The following EPS8L2 variants were observed in gnomAD, a reference collection of about 807,000 sequenced individuals.
EPS8L2 encodes the protein epidermal growth factor receptor kinase substrate 8-like protein 2.
Under a neutral mutation model 99.4 loss-of-function variants are expected in EPS8L2, and 81 were observed. The observed-to-expected ratio is 0.82, with a 90% confidence interval of 0.68 to 0.98. The LOEUF is 0.98. Ranked by LOEUF, EPS8L2 falls within the 50% of genes least tolerant of loss-of-function variation. The pLI, the probability that EPS8L2 is intolerant of heterozygous loss-of-function variation, is 0.00. For synonymous variants in EPS8L2, 509 were observed against 407.3 expected (o/e 1.25, Z -3.01); for missense variants, 1,155 against 968.8 (o/e 1.19, Z -2.55).
chr11:711,847 G>A (rs900592485), intron 4 of EPS8L2, among the ~76,000 whole-genome samples: 6 of 151,918 alleles, frequency 3.9e-5, no homozygotes, highest in Non-Finnish European at 7.4e-5. Context: ...GCCAGGCGTC[G>A]TGGTGCATAC....
rs1170812702 is a variant in EPS8L2 at position 721,984 on chromosome 11, A to T, written c.977A>T (p.Asn326Ile). Residue 326 changes from asparagine (N) to isoleucine (I), a missense_variant, in exon 11 of 21, where the codon AAC becomes ATC. Transcript: ENST00000318562. ...TTCCAGAAAATCAAGCTGGCGATTA[A>T]CTTGCTGGTGGGTCCGGTGGCCCCA... is the stretch of plus-strand genomic sequence containing the variant. Reference protein sequence around the residue: ...DCFQKIKLAINLLAKLQKHIQ... With the variant: ...DCFQKIKLAIILLAKLQKHIQ... The T allele has an allele frequency of 2.5e-6, 4 of 1,606,042 alleles. No homozygotes were observed. The highest frequency in any genetic ancestry group is 2.6e-6 in the Non-Finnish European group (3 of 1,176,454).
In EPS8L2 at chr11:727,258, TG is replaced by T; in HGVS notation, c.*281del. 1 of 348,478 alleles carries T rather than the reference TG, an allele frequency of 2.9e-6. No homozygotes were observed. Among genetic ancestry groups the T allele is most frequent in the Non-Finnish European group, 5.3e-6 (1 of 188,010 alleles). 21.6% of individuals were successfully genotyped at this position (348,478 alleles called of 1,614,324 possible). On this transcript the variant is annotated 3_prime_UTR_variant, in exon 21 of 21. Transcript: ENST00000318562. ...TTGAGGCCACAGAACTCCCTGGGGC[TG>T]GGGCCTCTTTCTCTGGCCTCCCCTG...
chr11:707,867 G>A (rs1861770577), intron 1 of EPS8L2, among the ~76,000 whole-genome samples: 1 of 152,152 alleles, frequency 6.6e-6, no homozygotes, highest in Non-Finnish European at 1.5e-5. Flanking sequence ...GGACACACGT[G>A]CCTGGCGCCC....
chr11:726,352 T>C lies in EPS8L2; in HGVS notation c.1802T>C (p.Ile601Thr). 6.2e-7 allele frequency: 1 copy of C among 1,610,452 alleles called. No individual in the cohort carries two copies. ...DEVNDELIRK[I>T]SNIRAQPQRH... ...GTCAACGACGAGCTCATCCGGAAAA[T>C]CAGCAACATCAGGGCGCAGCCACAG... The change falls in exon 19 of 21, where the codon ATC becomes ACC. Residue 601 changes from isoleucine (I) to threonine (T), a missense_variant. Coordinates refer to ENST00000318562, the MANE Select transcript of EPS8L2 (RefSeq NM_022772.4).
At chr11:725,895 CAGCCCCGCCTGCGCCT>C (rs1329616110) in intron 17 of EPS8L2, 48 bp downstream of exon 17, 2 of 1,364,374 alleles carry the variant, frequency 1.5e-6, no homozygotes, top group Admixed American at 3.7e-5. Context: ...CTTCCTGGAG[CAGCCCCGCCTGCGCCT>C]AGCCCCGCCC....
In EPS8L2 at chr11:722,130, G is replaced by A. The variant is rs766824390; in HGVS notation, c.1024G>A (p.Glu342Lys). 3 of 1,612,942 alleles carry A rather than the reference G, an allele frequency of 1.9e-6. No individual in the cohort carries two copies. The highest frequency in any genetic ancestry group is 1.7e-6 in the Non-Finnish European group (2 of 1,179,868). ...GCACATCCAGAACCCCAGCGCCGCG[G>A]AGCTCGTGCACTTCCTCTTCGGGCC... ...QKHIQNPSAAELVHFLFGPLD... is the reference protein window; with the variant it reads ...QKHIQNPSAAKLVHFLFGPLD... The change falls in exon 12 of 21, where the codon GAG becomes AAG. Residue 342 changes from glutamate (E) to lysine (K), a missense_variant. Glu to Lys is a moderately conservative substitution (Grantham distance 56). Coordinates refer to ENST00000318562, the MANE Select transcript of EPS8L2 (RefSeq NM_022772.4).
rs549326536 is a variant in EPS8L2, at chr11:725,768, G to T, written c.1601G>T (p.Arg534Leu). ...CGGCAGTGGTGGAAGCTGCGCAGCC[G>T]CAGCGGCCAGGCGGGGTACGTGCCC... ...DGRQWWKLRS[R>L]SGQAGYVPCN... The change falls in exon 17 of 21, where the codon CGC becomes CTC. Residue 534 changes from arginine (R) to leucine (L), a missense_variant. Transcript: ENST00000318562. 5.2e-6 allele frequency: 7 copies of T among 1,352,360 alleles called. No individual in the cohort carries two copies. The East Asian group carries it at 8.6e-5, about 17-fold the overall frequency. 83.8% of individuals were successfully genotyped at this position (1,352,360 alleles called of 1,614,324 possible). A position where few individuals can be genotyped will look rare whatever the true frequency, so the allele number is the denominator to read the frequency against.
At chr11:712,546 A>C (rs1382335388) in intron 4 of EPS8L2, among the ~76,000 whole-genome samples, 2 of 152,150 alleles carry the variant, frequency 1.3e-5, no homozygotes, top group Non-Finnish European at 2.9e-5. Context: ...GACTAGGAAA[A>C]GGAGGGAGGG....
At chr11:709,637 G>A (rs372797417) in intron 3 of EPS8L2, 29 bp downstream of exon 3, 15 of 1,609,430 alleles carry the variant, frequency 9.3e-6, no homozygotes, top group Middle Eastern at 1.6e-4. Context: ...CGGGCTGGAC[G>A]TCACAGGGGA....
At position 722,385 on chromosome 11, in the gene EPS8L2, C is replaced by A. The variant is rs759969368; in HGVS notation, c.1060-16C>A. The A allele has an allele frequency of 1.1e-5, 17 of 1,611,600 alleles. No homozygotes were observed. Among genetic ancestry groups the A allele is most frequent in the Admixed American group, 1.7e-5 (1 of 59,968 alleles). ...TCTGTGGGCCTCAGTCCCCTCTGAA[C>A]CTCACTGTGCCCCAGATCGTCAACA... On this transcript the variant is annotated splice_polypyrimidine_tract_variant and intron_variant, in intron 12 of 20. Transcript: ENST00000318562.
intron 4 of EPS8L2, among the ~76,000 whole-genome samples, chr11:715,067 C>A (rs1282433890): frequency 6.6e-6 from 1 of 152,008 alleles, no homozygotes. Flanking sequence ...ATGGTGAAAC[C>A]CCGTCTCTAC....
chr11:722,461 C>T lies in EPS8L2; in HGVS notation c.1120C>T (p.Arg374Ter), dbSNP rs755995594. 4.3e-6 allele frequency: 7 copies of T among 1,613,552 alleles called. No homozygotes were observed. In the South Asian group the frequency reaches 4.4e-5, roughly 10 times the overall value. ...ARSVSCPLLS[R>*]DAVDFLRGHL... is the part of the protein sequence containing the mutation. Reference sequence around the variant, plus strand: ...CTCCGTCTCCTGCCCACTGCTCTCCCGAGATGCCGTGGACTTCCTGCGCGG... The same window carrying T: ...CTCCGTCTCCTGCCCACTGCTCTCCTGAGATGCCGTGGACTTCCTGCGCGG... The change falls in exon 13 of 21, where the codon CGA becomes TGA. Residue 374 changes from arginine (R) to a stop codon, truncating the protein, a stop_gained. Coordinates refer to ENST00000318562, the MANE Select transcript of EPS8L2 (RefSeq NM_022772.4). LOFTEE classifies it high-confidence loss of function.
Position 721,682 on chromosome 11 carries a change from G to A in EPS8L2, c.886G>A (p.Ala296Thr). The A allele has an allele frequency of 6.3e-7, 1 of 1,595,508 alleles. No individual in the cohort carries two copies. The highest frequency in any genetic ancestry group is 8.5e-7 in the Non-Finnish European group (1 of 1,172,412). Residue 296 changes from alanine (A) to threonine (T), a missense_variant, in exon 10 of 21, where the codon GCG (alanine) becomes ACG (threonine). By Grantham distance (58) the Ala-to-Thr change is moderately conservative. Transcript: ENST00000318562. ...AAAGGGGAAGAAGAAGGGCAAGAAG[G>A]CGCCAGCAGGTGCAGGGGACAGGGA... ...RKKGKKKGKK[A>T]PAEGVLTLRA...
intron 4 of EPS8L2, 149 bp downstream of exon 4, chr11:710,635 G>C: frequency 1.3e-6 from 1 of 789,948 alleles, no homozygotes; most frequent in Non-Finnish European, 2.1e-6. Flanking sequence ...AGGCTGAGGC[G>C]AGGGGGTCAC....
intron 4 of EPS8L2, among the ~76,000 whole-genome samples, chr11:712,766 C>T (rs781197410): frequency 7.2e-5 from 11 of 152,246 alleles, no homozygotes; most frequent in African/African-American, 1.7e-4. Flanking sequence ...TTGAATCGGG[C>T]TGTTTTGGGT....
At chr11:720,771 G>A in intron 6 of EPS8L2, 25 bp downstream of exon 6, 1 of 1,541,074 alleles carries the variant, frequency 6.5e-7, no homozygotes, top group Non-Finnish European at 8.7e-7. Context: ...GGCGGGGCAG[G>A]GTGGGGCCCC....
At chr11:715,055 A>C (rs1366964748) in intron 4 of EPS8L2, among the ~76,000 whole-genome samples, 1 of 152,150 alleles carries the variant, frequency 6.6e-6, no homozygotes, top group African/African-American at 2.4e-5. Flanking sequence ...ATTCTGGCTA[A>C]CATGGTGAAA....
At chr11:726,864 A>T (rs960603669) in intron 20 of EPS8L2, 37 bp from the exon 21 acceptor site, 2 of 1,601,720 alleles carry the variant, frequency 1.2e-6, no homozygotes, top group Non-Finnish European at 1.7e-6. Flanking sequence ...GACACGTGGG[A>T]CCCCCGGCTG....
At chr11:716,916 T>C (rs1862040188) in intron 4 of EPS8L2, among the ~76,000 whole-genome samples, 1 of 152,228 alleles carries the variant, frequency 6.6e-6, no homozygotes, top group South Asian at 2.1e-4. Flanking sequence ...GGTTTTACTC[T>C]GCCTCTCGCA....
Sources: gnomAD v4.1 joint callset for allele counts (sites outside exome capture counted in the v4.1 genomes callset) on GRCh38, gnomAD v4.1.1 for gene constraint, MANE v1.5 for transcripts, NCBI Gene and HGNC (gene_info 2026-07-23, HGNC 2026-07-21) for gene names.